PDE6A: variants seen among roughly 807,000 people sequenced by gnomAD.
The protein encoded by PDE6A is rod cGMP-specific 3',5'-cyclic phosphodiesterase subunit alpha.
Under a neutral mutation model 106.3 loss-of-function variants are expected in PDE6A, and 84 were observed. That is an observed-to-expected ratio of 0.79 (90% CI 0.66 to 0.95). The LOEUF is 0.95. Ranked by LOEUF, PDE6A falls within the 40% of genes least tolerant of loss-of-function variation. The pLI is 0.00. For missense variants in PDE6A, 1,052 were observed against 1,084.9 expected, an observed-to-expected ratio of 0.97 and a Z score of 0.43; for synonymous variants, 394 against 386.6, an observed-to-expected ratio of 1.02 and a Z score of -0.23.
rs771017122 is a variant in PDE6A at position 149,899,458 on chromosome 5, T to C, written c.1180A>G (p.Lys394Glu). The change falls in exon 9 of 22, where the codon AAG becomes GAG. Residue 394 changes from lysine (K) to glutamate (E), a missense_variant. Transcript: ENST00000255266. ...NVLSMPIVNK[K>E]EEIVGVATFY... ...GTGGCCACTCCAACAATTTCTTCCT[T>C]CTTGTTCACAATCGGCATTGAAAGC... 6.2e-7 allele frequency: 1 copy of C among 1,614,092 alleles called. No homozygotes were observed. The highest frequency in any genetic ancestry group is 8.5e-7 in the Non-Finnish European group (1 of 1,179,938).
At chr5:149,907,966 C>T (rs567475180) in intron 6 of PDE6A, among the ~76,000 whole-genome samples, 8 of 152,164 alleles carry the variant, frequency 5.3e-5, no homozygotes, top group Non-Finnish European at 7.4e-5. Flanking sequence ...GACTTTCCCC[C>T]GCAATCATAA....
intron 17 of PDE6A, among the ~76,000 whole-genome samples, chr5:149,873,966 A>C (rs1237859724): frequency 6.6e-6 from 1 of 151,578 alleles, no homozygotes; most frequent in Non-Finnish European, 1.5e-5. Flanking sequence ...TGATCATGCC[A>C]CCACACTTCA....
chr5:149,903,161 A>AAT (rs1554089493), intron 8 of PDE6A, among the ~76,000 whole-genome samples: 1 of 149,068 alleles, frequency 6.7e-6, no homozygotes, highest in Non-Finnish European at 1.5e-5. Flanking sequence ...AAAAAAAAAA[A>AAT]AAAAAAACAA....
chr5:149,904,463 C>T (rs1314368451), intron 7 of PDE6A, among the ~76,000 whole-genome samples: 1 of 152,138 alleles, frequency 6.6e-6, no homozygotes, highest in Admixed American at 6.5e-5. Context: ...GTGGGGCCAC[C>T]GTGTACAGTT....
intron 1 of PDE6A, among the ~76,000 whole-genome samples, chr5:149,939,238 G>A (rs921091444): frequency 2.6e-5 from 4 of 152,180 alleles, no homozygotes; most frequent in Non-Finnish European, 5.9e-5. Context: ...AAGGTGAGGT[G>A]TGGTTTCCTG....
rs924025812 is a variant in PDE6A, at chr5:149,903,162, A to C, written c.1113+486T>G. On this transcript the variant is annotated intron_variant, in intron 8 of 21. Coordinates refer to ENST00000255266, the MANE Select transcript of PDE6A (RefSeq NM_000440.3). ...AGACCCTCTCTAAAAAAAAAAAAAAAAAAAAACAAAAGAAAACAACAACAA... is the reference window on the plus strand; with the variant it reads ...AGACCCTCTCTAAAAAAAAAAAAAACAAAAAACAAAAGAAAACAACAACAA... Among the ~76,000 whole-genome samples, 136 of 149,210 alleles carry C rather than the reference A, an allele frequency of 9.1e-4. 1 individual carries two copies. Among genetic ancestry groups the C allele is most frequent in the African/African-American group, 3.3e-3 (132 of 40,520 alleles).
chr5:149,943,302 C>T (rs1306744393), intron 1 of PDE6A, among the ~76,000 whole-genome samples: 1 of 152,234 alleles, frequency 6.6e-6, no homozygotes, highest in African/African-American at 2.4e-5. Flanking sequence ...TGAGTCAACA[C>T]AGCACATGTT....
rs767744053 is a variant in PDE6A at position 149,886,300 on chromosome 5, A to G, written c.1803T>C (p.Ile601=). ...AGAGGTTATTGGTGCCTCTGTGGTC[A>G]ATGTCATGGCAGAAAGCAGCAGTGA... ...AMVTAAFCHD[I]DHRGTNNLYQ... is the part of the protein sequence containing the mutation. The change falls in exon 14 of 22, where the codon ATT becomes ATC. Residue 601 remains isoleucine (I), a synonymous_variant. Transcript: ENST00000255266. 1 of 1,614,150 alleles carries G rather than the reference A, an allele frequency of 6.2e-7. No homozygotes were observed. The highest frequency in any genetic ancestry group is 2.2e-5 in the East Asian group (1 of 44,884).
chr5:149,871,543 AT>A (rs1760552000), intron 17 of PDE6A, among the ~76,000 whole-genome samples: 1 of 152,006 alleles, frequency 6.6e-6, no homozygotes, highest in South Asian at 2.1e-4. Context: ...CAGAAGGATC[AT>A]CTAGTGTGCA....
chr5:149,902,615 G>A (rs2113604487), intron 8 of PDE6A, among the ~76,000 whole-genome samples: 1 of 152,202 alleles, frequency 6.6e-6, no homozygotes, highest in East Asian at 1.9e-4. Context: ...GCGGTCAGGA[G>A]TTCGAGACCA....
intron 1 of PDE6A, among the ~76,000 whole-genome samples, chr5:149,935,781 G>A (rs1754163113): frequency 2.0e-5 from 3 of 152,208 alleles, no homozygotes. Flanking sequence ...TGGGAGGCGG[G>A]CCAGCCCAAA....
intron 17 of PDE6A, among the ~76,000 whole-genome samples, chr5:149,879,525 C>T (rs2113538906): frequency 6.6e-6 from 1 of 151,100 alleles, no homozygotes; most frequent in African/African-American, 2.4e-5. Flanking sequence ...ACTGCACCCA[C>T]TAACTCGTCA....
At position 149,934,550 on chromosome 5, in the gene PDE6A, T is replaced by C; in HGVS notation, c.627+16A>G. 1 of 1,613,728 alleles carries C rather than the reference T, an allele frequency of 6.2e-7. No homozygotes were observed. The highest frequency in any genetic ancestry group is 8.5e-7 in the Non-Finnish European group (1 of 1,179,564). On this transcript the variant is annotated intron_variant, in intron 2 of 21. Coordinates refer to ENST00000255266, the MANE Select transcript of PDE6A (RefSeq NM_000440.3). ...TGTGCTAGCATGGCTATCCTTAGTC[T>C]CTAAAGCATTCTTACCTCTTCATCT...
intron 4 of PDE6A, among the ~76,000 whole-genome samples, chr5:149,929,394 C>T (rs1036604670): frequency 1.3e-5 from 2 of 152,184 alleles, no homozygotes; most frequent in African/African-American, 4.8e-5. Flanking sequence ...ATCACGAGGT[C>T]GGGAGATTGA....
At chr5:149,917,021 G>A (rs185584412) in intron 5 of PDE6A, among the ~76,000 whole-genome samples, 2 of 151,606 alleles carry the variant, frequency 1.3e-5, no homozygotes, top group African/African-American at 4.8e-5. Flanking sequence ...GTTAGATCAG[G>A]TCTGTTTAAT....
chr5:149,902,505 TAAAA>T (rs33979095), intron 8 of PDE6A, among the ~76,000 whole-genome samples: 3 of 140,744 alleles, frequency 2.1e-5, no homozygotes, highest in Non-Finnish European at 1.6e-5. Flanking sequence ...AAACATTTGT[TAAAA>T]AAAAAAAAAA....
chr5:149,860,843 A>G lies in PDE6A; in HGVS notation c.*52T>C. 3 of 1,474,554 alleles carry G rather than the reference A, an allele frequency of 2.0e-6. No individual in the cohort carries two copies. In the East Asian group the frequency reaches 6.8e-5, roughly 33 times the overall value. 91.3% of individuals were successfully genotyped at this position (1,474,554 alleles called of 1,614,324 possible). ...GTGTGGTCTTCCACTGGCTTGAGTC[A>G]TCTCTTCCCAGGAAAGGGTGGTGCC... is the stretch of plus-strand genomic sequence containing the variant. On this transcript the variant is annotated 3_prime_UTR_variant, in exon 22 of 22. Coordinates refer to ENST00000255266, the MANE Select transcript of PDE6A (RefSeq NM_000440.3).
chr5:149,938,907 T>C (rs1754255910), intron 1 of PDE6A, among the ~76,000 whole-genome samples: 1 of 152,174 alleles, frequency 6.6e-6, no homozygotes, highest in Non-Finnish European at 1.5e-5. Context: ...AATGCAGCAA[T>C]TGCAACCATT....
intron 8 of PDE6A, among the ~76,000 whole-genome samples, chr5:149,903,354 A>G (rs1320842005): frequency 6.7e-6 from 1 of 149,588 alleles, no homozygotes; most frequent in Non-Finnish European, 1.5e-5. Flanking sequence ...TATATTGTAT[A>G]ATTGTATAAT....
Sources: gnomAD v4.1 joint callset for allele counts (sites outside exome capture counted in the v4.1 genomes callset) on GRCh38, gnomAD v4.1.1 for gene constraint, MANE v1.5 for transcripts, NCBI Gene and HGNC (gene_info 2026-07-23, HGNC 2026-07-21) for gene names.